The following NLRX1 variants were observed in gnomAD, a reference collection of about 807,000 sequenced individuals.
NLRX1 encodes the protein NLR family member X1, also known as NOD-like receptor X1.
In NLRX1, 67 loss-of-function variants were observed where a neutral mutation model predicts 74.2. That is an observed-to-expected ratio of 0.90 (90% CI 0.74 to 1.11). The LOEUF (loss-of-function observed/expected upper bound fraction) is 1.11. Ranked by LOEUF, NLRX1 falls within the 50% of genes least tolerant of loss-of-function variation. NLRX1 has a pLI of 0.00. For synonymous variants in NLRX1, 506 were observed against 559.1 expected (o/e 0.91, Z 1.34); for missense variants, 1,191 against 1,305.4 (o/e 0.91, Z 1.35).
intron 6 of NLRX1, among the ~76,000 whole-genome samples, chr11:119,178,815 C>A (rs1162841899): frequency 6.6e-6 from 1 of 151,766 alleles, no homozygotes; most frequent in Non-Finnish European, 1.5e-5. Flanking sequence ...GGACTACAGG[C>A]ACATGCCACC....
Position 119,174,541 on chromosome 11 carries a change from C to A in NLRX1, c.938C>A (p.Ser313Tyr). ...VGRYGEICGFSDTNLQKLYFQ... is the reference protein window; with the variant it reads ...VGRYGEICGFYDTNLQKLYFQ... ...CGCTATGGTGAGATCTGCGGTTTCT[C>A]TGATACCAACCTGCAGAAGCTCTAC... Residue 313 changes from serine (S) to tyrosine (Y), a missense_variant, in exon 6 of 10, where the codon TCT becomes TAT. Physicochemically the swap from Ser to Tyr is moderately radical, Grantham distance 144 (BLOSUM62 -2). Transcript: ENST00000409109. The A allele has an allele frequency of 1.2e-6, 2 of 1,614,214 alleles. No individual in the cohort carries two copies. The highest frequency in any genetic ancestry group is 1.7e-6 in the Non-Finnish European group (2 of 1,180,038).
At position 119,172,445 on chromosome 11, in the gene NLRX1, C is replaced by T. The variant is rs577488289; in HGVS notation, c.140+20C>T. On this transcript the variant is annotated intron_variant, in intron 3 of 9. Transcript: ENST00000409109. Reference sequence around the variant, plus strand: ...CCCTAGGTGAGGCCTGGGTGTCATACCTTAGGACTAGTCTGGGCACAACAG... The same window carrying T: ...CCCTAGGTGAGGCCTGGGTGTCATATCTTAGGACTAGTCTGGGCACAACAG... The T allele has an allele frequency of 8.7e-4, 1,366 of 1,573,264 alleles. 27 individuals are homozygous for T. The South Asian group carries it at 0.014, about 17-fold the overall frequency.
chr11:119,178,620 G>A (rs776017705), intron 6 of NLRX1, among the ~76,000 whole-genome samples: 3 of 152,074 alleles, frequency 2.0e-5, no homozygotes, highest in Non-Finnish European at 4.4e-5. Flanking sequence ...AGGGCATGTC[G>A]TCTGACCCTT....
intron 1 of NLRX1, among the ~76,000 whole-genome samples, chr11:119,170,961 T>C (rs1445521749): frequency 6.6e-6 from 1 of 152,084 alleles, no homozygotes; most frequent in Non-Finnish European, 1.5e-5. Flanking sequence ...TTAACCAACA[T>C]GGTAAACCCC....
intron 2 of NLRX1, among the ~76,000 whole-genome samples, chr11:119,171,967 A>C (rs1204356637): frequency 6.6e-6 from 1 of 151,702 alleles, no homozygotes; most frequent in African/African-American, 2.4e-5. Context: ...AAAAAAAAAA[A>C]GAGAGTTGGA....
chr11:119,183,034 G>GC lies in NLRX1; in HGVS notation c.2607-79dup. ...CTGCAGCCAGGAGATGAGTTGTGAG[G>GC]CCCCCTGACTTTCCATCCATCTACC... On this transcript the variant is annotated intron_variant, in intron 9 of 9. Transcript: ENST00000409109. The surrounding 1 kb of genome is among the most constrained non-coding windows in gnomAD (Gnocchi z 5.7). 8.0e-7 allele frequency: 1 copy of GC among 1,251,728 alleles called. No individual in the cohort carries two copies. 77.5% of individuals were successfully genotyped at this position (1,251,728 alleles called of 1,614,324 possible).
intron 1 of NLRX1, among the ~76,000 whole-genome samples, chr11:119,169,719 G>T (rs1242275698): frequency 1.3e-5 from 2 of 152,220 alleles, no homozygotes; most frequent in African/African-American, 2.4e-5. Flanking sequence ...GGCCCGAGTG[G>T]TGGCTCGCGC....
intron 1 of NLRX1, among the ~76,000 whole-genome samples, chr11:119,170,554 A>G (rs752258664): frequency 2.0e-5 from 3 of 152,324 alleles, no homozygotes; most frequent in East Asian, 1.9e-4. Flanking sequence ...AAGTTCATTC[A>G]TTTATTTATT....
At chr11:119,176,593 G>A (rs959452420) in intron 6 of NLRX1, among the ~76,000 whole-genome samples, 3 of 151,952 alleles carry the variant, frequency 2.0e-5, no homozygotes, top group Admixed American at 6.6e-5. Context: ...AGGCTGAGAC[G>A]GGAGAATTGC....
Position 119,180,304 on chromosome 11 carries a change from C to T in NLRX1, c.2267+16C>T. 3 of 1,539,932 alleles carry T rather than the reference C, an allele frequency of 1.9e-6. No homozygotes were observed. Among genetic ancestry groups the T allele is most frequent in the Non-Finnish European group, 1.8e-6 (2 of 1,133,924 alleles). On this transcript the variant is annotated intron_variant, in intron 7 of 9. Coordinates refer to ENST00000409109, the MANE Select transcript of NLRX1 (RefSeq NM_001282144.2). ...GGAAGCTGGGGTGAGGACCTATCCT[C>T]ATGCACAGGCATGAAGAGGGAAGAG...
Position 119,183,957 on chromosome 11 carries a change from G to T in NLRX1, c.*518G>T. The T allele has an allele frequency of 1.3e-6, 1 of 773,434 alleles. No homozygotes were observed. 47.9% of individuals were successfully genotyped at this position (773,434 alleles called of 1,614,324 possible). ...GCCACAATGGTATGATGGCTTGGTA[G>T]CCCCTCGAGGCAGATGCACCTGACT... On this transcript the variant is annotated 3_prime_UTR_variant, in exon 10 of 10. Coordinates refer to ENST00000409109, the MANE Select transcript of NLRX1 (RefSeq NM_001282144.2). This position sits in a 1 kb window ranked among gnomAD's most constrained non-coding sequence, Gnocchi z 5.7.
Position 119,174,902 on chromosome 11 carries a change from C to T in NLRX1, c.1299C>T (p.Ala433=), listed in dbSNP as rs1240508761. The part of the protein sequence containing the change: ...AYAARTMGKL[A]YEGVSSRKTY... ...CAGCCCGAACCATGGGCAAGTTGGC[C>T]TATGAGGGGGTGTCCTCCCGCAAGA... The change falls in exon 6 of 10, where the codon GCC becomes GCT. Residue 433 remains alanine (A), a synonymous_variant. Transcript: ENST00000409109. 6.2e-7 allele frequency: 1 copy of T among 1,614,062 alleles called. No individual in the cohort carries two copies. Among genetic ancestry groups the T allele is most frequent in the Admixed American group, 1.7e-5 (1 of 60,030 alleles).
Position 119,173,671 on chromosome 11 carries a change from T to TCCCCCCACTGG in NLRX1, c.425_435dup (p.Leu146ProfsTer82). 1 of 1,613,910 alleles carries TCCCCCCACTGG rather than the reference T, an allele frequency of 6.2e-7. No homozygotes were observed. Among genetic ancestry groups the TCCCCCCACTGG allele is most frequent in the Non-Finnish European group, 8.5e-7 (1 of 1,180,016 alleles). ...GAGCATCAGCCACCCCAGGCCGGGCTCCCCCCACTGGCCTTGTCTCAGCTC... is the reference window on the plus strand; with the variant it reads ...GAGCATCAGCCACCCCAGGCCGGGCTCCCCCCACTGGCCCCCCACTGGCCTTGTCTCAGCTC... On this transcript the variant is annotated frameshift_variant, in exon 5 of 10. Coordinates refer to ENST00000409109, the MANE Select transcript of NLRX1 (RefSeq NM_001282144.2). LOFTEE classifies it high-confidence loss of function. This position sits in a 1 kb window ranked among gnomAD's most constrained non-coding sequence, Gnocchi z 4.0.
chr11:119,170,584 G>A (rs900096869), intron 1 of NLRX1, among the ~76,000 whole-genome samples: 2 of 152,172 alleles, frequency 1.3e-5, no homozygotes, highest in Non-Finnish European at 2.9e-5. Context: ...AGCCTCAAAG[G>A]CTGCTTACAT....
intron 2 of NLRX1, 121 bp downstream of exon 2, chr11:119,171,594 T>G: frequency 1.2e-5 from 8 of 664,446 alleles, no homozygotes; most frequent in South Asian, 1.8e-5. Flanking sequence ...CGTGGTTCTC[T>G]AGCTGTTGAC....
chr11:119,178,556 G>A (rs1948752958), intron 6 of NLRX1, among the ~76,000 whole-genome samples: 1 of 152,194 alleles, frequency 6.6e-6, no homozygotes, highest in African/African-American at 2.4e-5. Context: ...CAGATGCCAT[G>A]AAAGTGTATA....
At chr11:119,181,375 G>A (rs1948833899) in intron 8 of NLRX1, 118 bp downstream of exon 8, 2 of 744,244 alleles carry the variant, frequency 2.7e-6, no homozygotes, top group African/African-American at 3.5e-5. Flanking sequence ...GGAGAGTCTA[G>A]GCCCTGACCT....
intron 9 of NLRX1, among the ~76,000 whole-genome samples, chr11:119,182,602 C>A (rs536938931): frequency 3.3e-5 from 5 of 152,286 alleles, no homozygotes; most frequent in South Asian, 4.1e-4. Context: ...ATTCTAGTAT[C>A]AGGGTCGGCT....
chr11:119,178,603 T>A (rs914698760), intron 6 of NLRX1, among the ~76,000 whole-genome samples: 3 of 152,050 alleles, frequency 2.0e-5, no homozygotes, highest in Non-Finnish European at 2.9e-5. Context: ...GAGAGCCTCT[T>A]TGTGGAAGGG....
Sources: gnomAD v4.1 joint callset for allele counts (sites outside exome capture counted in the v4.1 genomes callset) on GRCh38, gnomAD v4.1.1 for gene constraint, Gnocchi (gnomAD v3.1) non-coding constraint, MANE v1.5 for transcripts, NCBI Gene and HGNC (gene_info 2026-07-23, HGNC 2026-07-21) for gene names.